The following FASTK variants were observed in gnomAD, a reference collection of about 807,000 sequenced individuals.
The protein encoded by FASTK is Fas activated serine/threonine kinase.
In FASTK, 28 loss-of-function variants were observed where a neutral mutation model predicts 60.0. The observed-to-expected ratio is 0.47, with a 90% CI of 0.35 to 0.64. The LOEUF (loss-of-function observed/expected upper bound fraction) is 0.64, where lower values mean the gene tolerates loss of function less well. FASTK is among the 30% of genes least tolerant of loss of function. The pLI is 0.01. For missense variants in FASTK, 595 were observed against 713.8 expected (o/e 0.83, Z 1.90); for synonymous variants, 325 against 307.9 (o/e 1.06, Z -0.58).
chr7:151,079,848 G>A lies in FASTK; in HGVS notation c.157C>T (p.Leu53=). The change falls in exon 2 of 10, where the codon CTG becomes TTG. Residue 53 remains leucine, a synonymous_variant. Transcript: ENST00000297532. ...CAGGGCTGTACTGGAGGGATCAGCA[G>A]CAGGCCAGACAGCCGAGCAGGGGAG... is the stretch of plus-strand genomic sequence containing the variant. ...QTSPARLSGL[L]LIPPVQPCCL... is the part of the protein sequence containing the mutation. 5 of 1,604,128 alleles carry A rather than the reference G, an allele frequency of 3.1e-6. No individual in the cohort carries two copies. The highest frequency in any genetic ancestry group is 4.3e-6 in the Non-Finnish European group (5 of 1,175,476).
At chr7:151,080,648 G>C in intron 1 of FASTK, 37 bp downstream of exon 1, 1 of 1,424,648 alleles carries the variant, frequency 7.0e-7, no homozygotes, top group Non-Finnish European at 9.1e-7. Context: ...AGCTCCCGCT[G>C]CCCTCCCGCA....
At chr7:151,078,734 G>C in intron 3 of FASTK, 33 bp from the exon 4 acceptor site, 1 of 1,611,858 alleles carries the variant, frequency 6.2e-7, no homozygotes, top group East Asian at 2.2e-5. Flanking sequence ...CTGGGCCTCA[G>C]CCGGACCTCC....
chr7:151,080,639 G>GCTCCCGCTGCC (rs1207184053), intron 1 of FASTK, 46 bp downstream of exon 1: 14 of 1,416,268 alleles, frequency 9.9e-6, no homozygotes, highest in Middle Eastern at 2.4e-4. Context: ...GCTAACACCA[G>GCTCCCGCTGCC]CTCCCGCTGC....
rs752272616 is a variant in FASTK at position 151,079,684 on chromosome 7, G to C, written c.321C>G (p.Ser107Arg). The change falls in exon 2 of 10, where the codon AGC becomes AGG. Residue 107 changes from serine to arginine, a missense_variant. Transcript: ENST00000297532. ...CCGAGTAGTGGTGGGCGCGCACCTT[G>C]CTGGGGTTCTGGCCCAGCCAGCGCA... The part of the protein sequence containing the change: ...ELLRWLGQNP[S>R]KVRAHHYSVA... 3.7e-6 allele frequency: 6 copies of C among 1,608,620 alleles called. No individual in the cohort carries two copies. The highest frequency in any genetic ancestry group is 5.1e-6 in the Non-Finnish European group (6 of 1,178,100).
intron 6 of FASTK, 73 bp from the exon 7 acceptor site, chr7:151,077,474 A>G: frequency 6.5e-7 from 1 of 1,547,848 alleles, no homozygotes; most frequent in Non-Finnish European, 8.8e-7. Flanking sequence ...TAGTGCCACC[A>G]CCCTGGGCAA....
chr7:151,078,438 G>A, intron 4 of FASTK, 124 bp downstream of exon 4: 1 of 1,084,872 alleles, frequency 9.2e-7, no homozygotes, highest in Non-Finnish European at 1.3e-6. Flanking sequence ...AAAGATGCAG[G>A]TCCCAGGGGA....
chr7:151,078,500 C>T, intron 4 of FASTK, 62 bp downstream of exon 4: 1 of 1,581,630 alleles, frequency 6.3e-7, no homozygotes, highest in Non-Finnish European at 8.7e-7. Context: ...GCACGAGGCG[C>T]TGGGCCTGAC....
At chr7:151,079,179 C>G in intron 2 of FASTK, 158 bp from the exon 3 acceptor site, 1 of 663,088 alleles carries the variant, frequency 1.5e-6, no homozygotes, top group Non-Finnish European at 2.5e-6. Context: ...TGTAAAGTAT[C>G]ATGTGGCTAT....
Position 151,078,112 on chromosome 7 carries a change from C to A in FASTK, c.826-20G>T, listed in dbSNP as rs1302744042. On this transcript the variant is annotated intron_variant, in intron 4 of 9. Coordinates refer to ENST00000297532, the MANE Select transcript of FASTK (RefSeq NM_006712.5). ...TACCACCTGTGGAGGAAGAGCAGTT[C>A]ATTACCCAGTGTCAAGTATTTCTGC... 6 of 1,536,366 alleles carry A rather than the reference C, an allele frequency of 3.9e-6. No individual in the cohort carries two copies. Among genetic ancestry groups the A allele is most frequent in the South Asian group, 2.4e-5 (2 of 85,072 alleles).
Position 151,077,680 on chromosome 7 carries a change from C to T in FASTK, c.1140G>A (p.Arg380=). 6.3e-7 allele frequency: 1 copy of T among 1,582,358 alleles called. No individual in the cohort carries two copies. The part of the protein sequence containing the change: ...PGYRGPRLPR[R]QQVPIFPQPL... The stretch of plus-strand genomic sequence containing the variant: ...GCTGGGGAAAGATGGGCACTTGCTG[C>T]CTTCGGGGAAGGCGGGGACCCCGGT... The change falls in exon 6 of 10, where the codon AGG becomes AGA. Residue 380 remains arginine (R), a synonymous_variant. Coordinates refer to ENST00000297532, the MANE Select transcript of FASTK (RefSeq NM_006712.5).
chr7:151,079,892 A>G lies in FASTK; in HGVS notation c.113T>C (p.Val38Ala), dbSNP rs1344190762. ...AGGGGAGGTCTGAGCAGAGAGCAGG[A>G]CTCGAAGCATGGAGTTGGGTGATGG... is the stretch of plus-strand genomic sequence containing the variant. The part of the protein sequence containing the change: ...WSPSPNSMLR[V>A]LLSAQTSPAR... The change falls in exon 2 of 10, where the codon GTC becomes GCC. Residue 38 changes from valine to alanine, a missense_variant. Transcript: ENST00000297532. 1 of 1,596,748 alleles carries G rather than the reference A, an allele frequency of 6.3e-7. No individual in the cohort carries two copies. The highest frequency in any genetic ancestry group is 1.7e-5 in the Admixed American group (1 of 58,728).
intron 1 of FASTK, 22 bp downstream of exon 1, chr7:151,080,663 T>TC: frequency 2.1e-6 from 3 of 1,434,602 alleles, no homozygotes; most frequent in Non-Finnish European, 2.7e-6. Context: ...CCCGCAGCCC[T>TC]CCCCGCAGGC....
intron 1 of FASTK, chr7:151,080,397 C>T: frequency 9.5e-7 from 1 of 1,056,768 alleles, no homozygotes; most frequent in Non-Finnish European, 1.2e-6. Context: ...GGCTCCGCGG[C>T]TGGACGGTGC....
intron 1 of FASTK, 44 bp downstream of exon 1, chr7:151,080,641 T>C: frequency 7.1e-7 from 1 of 1,416,694 alleles, no homozygotes; most frequent in Non-Finnish European, 9.2e-7. Flanking sequence ...TAACACCAGC[T>C]CCCGCTGCCC....
chr7:151,077,881 C>A lies in FASTK; in HGVS notation c.1037G>T (p.Ser346Ile). ...AGCCAGCCATCCTGGCTGCGTACCA[C>A]TGATGTAGTTGATGAAGCCAGGGGA... ...VFSPGFINYI[S>I]GTPHALIVRR... The change falls in exon 5 of 10, where the codon AGT (serine) becomes ATT (isoleucine). Residue 346 changes from serine to isoleucine, a missense_variant and splice_region_variant. Ser to Ile is a moderately radical substitution (Grantham distance 142, BLOSUM62 -2). Transcript: ENST00000297532. The A allele has an allele frequency of 6.2e-7, 1 of 1,613,202 alleles. No individual in the cohort carries two copies. Among genetic ancestry groups the A allele is most frequent in the Non-Finnish European group, 8.5e-7 (1 of 1,179,512 alleles).
intron 6 of FASTK, 52 bp downstream of exon 6, chr7:151,077,569 C>T: frequency 2.6e-6 from 4 of 1,527,358 alleles, no homozygotes; most frequent in Non-Finnish European, 3.5e-6. Context: ...GGCTTTTCCA[C>T]TCTGCTGGTC....
intron 8 of FASTK, 25 bp downstream of exon 8, chr7:151,077,076 G>C (rs1363836705): frequency 6.2e-7 from 1 of 1,607,860 alleles, no homozygotes; most frequent in Non-Finnish European, 8.5e-7. Flanking sequence ...AGGTGGCCAG[G>C]GCTCCCCCAC....
intron 2 of FASTK, 179 bp downstream of exon 2, chr7:151,079,321 G>C (rs1001844773): frequency 1.5e-6 from 1 of 655,648 alleles, no homozygotes; most frequent in Non-Finnish European, 2.5e-6. Context: ...GCACCCTAGC[G>C]AGGCCGGAAG....
intron 6 of FASTK, 80 bp from the exon 7 acceptor site, chr7:151,077,481 G>A: frequency 6.5e-7 from 1 of 1,540,284 alleles, no homozygotes; most frequent in Admixed American, 1.8e-5. Flanking sequence ...ACCACCCTGG[G>A]CAAAGCCCTC....
Sources: allele counts gnomAD v4.1 joint callset, GRCh38; gene constraint gnomAD v4.1.1; transcripts MANE v1.5; gene names NCBI Gene and HGNC (gene_info 2026-07-23, HGNC 2026-07-21).